Variants in PCDHA10 observed in about 807,000 individuals in gnomAD.
PCDHA10 encodes the protein protocadherin alpha-10.
A neutral mutation model predicts 61.2 loss-of-function variants in PCDHA10; 45 were observed. The ratio of observed to expected loss-of-function variants is 0.74; its 90% confidence interval spans 0.58 to 0.94. The LOEUF (loss-of-function observed/expected upper bound fraction) is 0.94. Among genes scored for constraint, PCDHA10 ranks in the 40% least tolerant of loss-of-function variants. The pLI is 0.00. For synonymous variants in PCDHA10, 602 were observed against 548.8 expected, an observed-to-expected ratio of 1.10 and a Z score of -1.35; for missense variants, 1,278 against 1,236.2, an observed-to-expected ratio of 1.03 and a Z score of -0.51.
chr5:141,004,142 G>A (rs1323224367), intron 3 of PCDHA10, among the ~76,000 whole-genome samples: 2 of 152,214 alleles, frequency 1.3e-5, no homozygotes, highest in African/African-American at 4.8e-5. Flanking sequence ...TGCCCCAAAG[G>A]CATGACATTT....
intron 1 of PCDHA10, chr5:140,882,402 T>A (rs782437506): frequency 3.7e-6 from 6 of 1,614,052 alleles, no homozygotes; most frequent in South Asian, 1.1e-5. Flanking sequence ...GGCACCTTCG[T>A]GGGCCGCATC....
At chr5:140,981,630 A>G (rs1299640748) in intron 2 of PCDHA10, among the ~76,000 whole-genome samples, 1 of 152,110 alleles carries the variant, frequency 6.6e-6, no homozygotes, top group East Asian at 1.9e-4. Flanking sequence ...GTTTTCTTGG[A>G]CATTTTCTCT....
At chr5:140,867,267 A>G (rs2049851956) in intron 1 of PCDHA10, 1 of 152,078 alleles carries the variant, frequency 6.6e-6, no homozygotes, top group African/African-American at 2.4e-5. Flanking sequence ...TTTTGTTCAA[A>G]ATAAACCTGA....
chr5:140,914,364 A>T lies in PCDHA10; in HGVS notation c.2388+55928A>T, dbSNP rs1256559741. 2.0e-5 allele frequency among the ~76,000 whole-genome samples: 3 copies of T among 152,096 alleles called. No individual in the cohort carries two copies. The East Asian group carries it at 5.8e-4, about 29-fold the overall frequency. On this transcript the variant is annotated intron_variant, in intron 1 of 3. Transcript: ENST00000307360. ...CTCTTTTTGGAGTTTTTGTCTTGAG[A>T]TCTATTTTATCTGTTATAAGTGTAG...
chr5:140,858,618 C>T (rs781842612), intron 1 of PCDHA10, 182 bp downstream of exon 1: 2 of 1,160,992 alleles, frequency 1.7e-6, no homozygotes, highest in South Asian at 1.6e-5. Context: ...TTTTATCCTA[C>T]CCAGTGTGTC....
intron 1 of PCDHA10, chr5:140,967,123 C>A (rs1554229191): frequency 4.3e-6 from 7 of 1,612,606 alleles, no homozygotes; most frequent in African/African-American, 2.7e-5. Context: ...GCTGCCTGCT[C>A]AGCTTGGAAG....
chr5:140,932,966 G>C (rs2088764912), intron 1 of PCDHA10, among the ~76,000 whole-genome samples: 1 of 151,942 alleles, frequency 6.6e-6, no homozygotes, highest in South Asian at 2.1e-4. Context: ...TTGCTGAAAG[G>C]TTTTTACAAT....
intron 1 of PCDHA10, chr5:140,870,378 T>C (rs782676295): frequency 1.9e-6 from 3 of 1,614,036 alleles, no homozygotes; most frequent in African/African-American, 1.3e-5. Flanking sequence ...TGGTGGTGAC[T>C]GCGCGGGATG....
At chr5:140,879,799 G>C (rs1165330277) in intron 1 of PCDHA10, among the ~76,000 whole-genome samples, 5 of 152,188 alleles carry the variant, frequency 3.3e-5, no homozygotes, top group Non-Finnish European at 7.3e-5. Flanking sequence ...GTTTCTTCCA[G>C]TTTCTATTGG....
chr5:140,891,635 G>A (rs1266162781), intron 1 of PCDHA10, among the ~76,000 whole-genome samples: 3 of 151,868 alleles, frequency 2.0e-5, no homozygotes, highest in African/African-American at 7.3e-5. Context: ...TTTGCTCTTT[G>A]GGCTTTATTG....
chr5:140,868,978 C>T, intron 1 of PCDHA10: 2 of 1,484,292 alleles, frequency 1.3e-6, no homozygotes, highest in Non-Finnish European at 1.8e-6. Context: ...CTCCATCATA[C>T]CGGATGCCAC....
chr5:140,922,527 C>T (rs1436336713), intron 1 of PCDHA10, among the ~76,000 whole-genome samples: 2 of 152,130 alleles, frequency 1.3e-5, no homozygotes, highest in East Asian at 3.9e-4. Flanking sequence ...AAGATTGAAC[C>T]TAAGGATGTG....
intron 1 of PCDHA10, chr5:140,927,125 G>C (rs782734791): frequency 6.2e-7 from 1 of 1,614,076 alleles, no homozygotes; most frequent in Admixed American, 1.7e-5. Flanking sequence ...TTGGTGGTCA[G>C]AGAGCCGGCG....
chr5:140,890,434 T>C (rs1368664447), intron 1 of PCDHA10, among the ~76,000 whole-genome samples: 2 of 152,226 alleles, frequency 1.3e-5, no homozygotes, highest in Non-Finnish European at 2.9e-5. Flanking sequence ...ATATTTACAA[T>C]ACCTAGTGAT....
intron 1 of PCDHA10, among the ~76,000 whole-genome samples, chr5:140,975,067 T>C (rs2096652705): frequency 6.6e-6 from 1 of 152,146 alleles, no homozygotes; most frequent in African/African-American, 2.4e-5. Flanking sequence ...TCGAGCTCAT[T>C]CAGATTGTTG....
intron 1 of PCDHA10, among the ~76,000 whole-genome samples, chr5:140,888,420 C>T (rs947790198): frequency 3.3e-5 from 5 of 152,130 alleles, no homozygotes; most frequent in African/African-American, 4.8e-5. Context: ...AACATCCTAC[C>T]GTGCACAGGA....
chr5:140,901,301 G>A (rs990062811), intron 1 of PCDHA10, among the ~76,000 whole-genome samples: 11 of 152,112 alleles, frequency 7.2e-5, no homozygotes, highest in Non-Finnish European at 1.5e-4. Flanking sequence ...CTGATGTTCC[G>A]GAGAGTTTCC....
chr5:140,868,980 G>T (rs2050777662), intron 1 of PCDHA10: 5 of 1,489,988 alleles, frequency 3.4e-6, no homozygotes, highest in South Asian at 1.4e-5. Context: ...CCATCATACC[G>T]GATGCCACCG....
rs983313958 is a variant in PCDHA10 at position 140,856,486 on chromosome 5, G to A, written c.438G>A (p.Leu146=). The A allele has an allele frequency of 4.4e-6, 7 of 1,598,346 alleles. No homozygotes were observed. The Middle Eastern group carries it at 1.0e-3, about 228-fold the overall frequency. Residue 146 remains leucine (L), a synonymous_variant, in exon 1 of 4, where the codon CTG becomes CTA. Transcript: ENST00000307360. ...AGCTCTCAATACCTGAATCCAGACTGCTTGACTCTCGATTTCCACTAGAAG... is the reference window on the plus strand; with the variant it reads ...AGCTCTCAATACCTGAATCCAGACTACTTGACTCTCGATTTCCACTAGAAG... ...EQKLSIPESR[L]LDSRFPLEGA...
Sources: gnomAD v4.1 joint callset for allele counts (sites outside exome capture counted in the v4.1 genomes callset) on GRCh38, gnomAD v4.1.1 for gene constraint, MANE v1.5 for transcripts, NCBI Gene and HGNC (gene_info 2026-07-23, HGNC 2026-07-21) for gene names.